The following KLHL30 variants were observed in gnomAD, a reference collection of about 807,000 sequenced individuals.
The protein encoded by KLHL30 is kelch like family member 30, also known as kelch-like protein 30.
Under a neutral mutation model 55.0 loss-of-function variants are expected in KLHL30, and 55 were observed. The ratio of observed to expected loss-of-function variants is 1.00; its 90% CI spans 0.80 to 1.25. The LOEUF (loss-of-function observed/expected upper bound fraction) is 1.25, where lower values mean the gene tolerates loss of function less well. Among genes scored for constraint, KLHL30 ranks in the 50% most tolerant of loss-of-function variants. The probability of loss-of-function intolerance (pLI) is 0.00; values close to 1 mark genes in which losing one functional copy is unlikely to be tolerated. For missense variants in KLHL30, 786 were observed against 811.6 expected (o/e 0.97, Z 0.38); for synonymous variants, 356 against 372.6 (o/e 0.96, Z 0.51).
intron 4 of KLHL30, 32 bp downstream of exon 4, chr2:238,145,020 C>T (rs1365438169): frequency 1.3e-6 from 2 of 1,546,606 alleles, no homozygotes; most frequent in Admixed American, 1.9e-5. Flanking sequence ...CCAGAGATGC[C>T]CTGCCCAGCC....
At chr2:238,148,822 G>C (rs372974699) in intron 6 of KLHL30, among the ~76,000 whole-genome samples, 185 bp from the exon 7 acceptor site, 1 of 152,158 alleles carries the variant, frequency 6.6e-6, no homozygotes, top group East Asian at 1.9e-4. Context: ...GGGAAAGATC[G>C]AGGCTGGGTG....
Position 238,150,849 on chromosome 2 carries a change from G to A in KLHL30, c.1521G>A (p.Ala507=), listed in dbSNP as rs563172825. The A allele has an allele frequency of 2.4e-5, 39 of 1,592,466 alleles. No individual in the cohort carries two copies. The highest frequency in any genetic ancestry group is 1.7e-4 in the Middle Eastern group (1 of 5,890). ...AGCACAGCCTGCATGAGAATGGCGC[G>A]CTGGTGCCACTGGGTGATGCGCTGT... ...QSQHSLHENG[A]LVPLGDALYV... The change falls in exon 8 of 8, where the codon GCG becomes GCA. Residue 507 remains alanine, a synonymous_variant. Transcript: ENST00000409223.
rs778286366 is a variant in KLHL30, at chr2:238,141,371, A to T, written c.617A>T (p.His206Leu). 6.3e-7 allele frequency: 1 copy of T among 1,597,712 alleles called. No individual in the cohort carries two copies. The highest frequency in any genetic ancestry group is 8.5e-7 in the Non-Finnish European group (1 of 1,176,678). ...RLEALMRWVR[H>L]DPQARAAHLP... ...GAGGCCCTGATGCGCTGGGTGCGCC[A>T]TGACCCGCAGGCCCGGGCCGCCCAC... The change falls in exon 2 of 8, where the codon CAT becomes CTT. Residue 206 changes from histidine (H) to leucine (L), a missense_variant. By Grantham distance (99) the His-to-Leu change is moderately conservative (BLOSUM62 -3). Transcript: ENST00000409223.
intron 1 of KLHL30, among the ~76,000 whole-genome samples, chr2:238,139,743 C>T (rs1463931129): frequency 3.3e-5 from 5 of 152,242 alleles, no homozygotes; most frequent in African/African-American, 7.2e-5. Context: ...GGGATGGCCC[C>T]GCGAGGCGCC....
rs934351399 is a variant in KLHL30 at position 238,152,248 on chromosome 2, T to C, written c.*1183T>C. The C allele has an allele frequency of 1.1e-5, 11 of 982,932 alleles. No individual in the cohort carries two copies. The African/African-American group carries it at 1.8e-4, about 16-fold the overall frequency. The allele number at this position is 982,932 out of a possible 1,614,324, so 60.9% of individuals were successfully genotyped here. On this transcript the variant is annotated 3_prime_UTR_variant, in exon 8 of 8. Coordinates refer to ENST00000409223, the MANE Select transcript of KLHL30 (RefSeq NM_198582.4). Reference sequence around the variant, plus strand: ...GTTCCTCCTTAACACCCCCCGCCCCTGGGGACCAGAGGGGCCTCTGACATC... The same window carrying C: ...GTTCCTCCTTAACACCCCCCGCCCCCGGGGACCAGAGGGGCCTCTGACATC...
chr2:238,149,854 G>C (rs1692719632), intron 7 of KLHL30, among the ~76,000 whole-genome samples: 1 of 152,162 alleles, frequency 6.6e-6, no homozygotes, highest in Non-Finnish European at 1.5e-5. Context: ...TGGTGAAGGG[G>C]ACAGTGCCCA....
chr2:238,145,954 C>G, intron 5 of KLHL30, 122 bp downstream of exon 5: 1 of 1,186,412 alleles, frequency 8.4e-7, no homozygotes, highest in Non-Finnish European at 1.2e-6. Context: ...CCACTGCCAC[C>G]CTCAGGGCTC....
intron 3 of KLHL30, among the ~76,000 whole-genome samples, chr2:238,144,432 AAGGCAGGCAGGCAGGCAGGC>A (rs1165549782): frequency 0.041 from 3,347 of 81,822 alleles, 97 homozygotes; most frequent in Middle Eastern, 0.095. Context: ...GGAAGGAAGG[AAGGCAGGCAGGCAGGCAGGC>A]AGGCAGGCAG....
At position 238,141,101 on chromosome 2, in the gene KLHL30, C is replaced by A. The variant is rs766734319; in HGVS notation, c.347C>A (p.Pro116His). 3 of 1,608,802 alleles carry A rather than the reference C, an allele frequency of 1.9e-6. No homozygotes were observed. Among genetic ancestry groups the A allele is most frequent in the African/African-American group, 2.7e-5 (2 of 74,874 alleles). ...LTRTAARLHF[P>H]SVQKVCGRYL... ...CGCACGGCTGCGCGCCTGCACTTCC[C>A]CTCGGTGCAGAAGGTCTGCGGCCGC... Residue 116 changes from proline (P) to histidine (H), a missense_variant, in exon 2 of 8, where the codon CCC becomes CAC. By Grantham distance (77) the Pro-to-His change is moderately conservative. Transcript: ENST00000409223.
At position 238,151,663 on chromosome 2, in the gene KLHL30, G is replaced by A. The variant is rs540236784; in HGVS notation, c.*598G>A. On this transcript the variant is annotated 3_prime_UTR_variant, in exon 8 of 8. Coordinates refer to ENST00000409223, the MANE Select transcript of KLHL30 (RefSeq NM_198582.4). ...TTGGGTCCCCACTCAGGCTTTGCAT[G>A]TTGGTGCTGTGTTTCTGCTTCTGTG... 2 of 156,382 alleles carry A rather than the reference G, an allele frequency of 1.3e-5. No homozygotes were observed. Among genetic ancestry groups the A allele is most frequent in the African/African-American group, 4.8e-5 (2 of 41,646 alleles). The allele number at this position is 156,382 out of a possible 1,614,324, so 9.7% of individuals were successfully genotyped here. A position where few individuals can be genotyped will look rare whatever the true frequency, so the allele number is the denominator to read the frequency against.
At chr2:238,141,922 G>A (rs1397956419) in intron 2 of KLHL30, among the ~76,000 whole-genome samples, 1 of 152,244 alleles carries the variant, frequency 6.6e-6, no homozygotes, top group Non-Finnish European at 1.5e-5. Flanking sequence ...TCTGAGCTGG[G>A]CCTTAGAGGA....
chr2:238,139,288 C>T (rs906715064), intron 1 of KLHL30, among the ~76,000 whole-genome samples: 13 of 152,302 alleles, frequency 8.5e-5, no homozygotes, highest in Non-Finnish European at 1.8e-4. Context: ...CAGGCGGTGG[C>T]CCAGGGACAG....
At chr2:238,149,249 G>C (rs1221641627) in intron 7 of KLHL30, 97 bp downstream of exon 7, 2 of 1,508,770 alleles carry the variant, frequency 1.3e-6, no homozygotes, top group Non-Finnish European at 1.8e-6. Context: ...TGCCACAGAG[G>C]GCCCACTGCG....
rs764332097 is a variant in KLHL30 at position 238,141,201 on chromosome 2, C to T, written c.447C>T (p.Gly149=). The change falls in exon 2 of 8, where the codon GGC becomes GGT. Residue 149 remains glycine, a synonymous_variant. Coordinates refer to ENST00000409223, the MANE Select transcript of KLHL30 (RefSeq NM_198582.4). The part of the protein sequence containing the change: ...CEFGEQQGLL[G]VAAKAWAFLR... ...TCGGGGAGCAGCAAGGGCTGCTGGG[C>T]GTGGCTGCCAAGGCCTGGGCCTTCC... The T allele has an allele frequency of 2.0e-5, 32 of 1,611,120 alleles. No homozygotes were observed. Among genetic ancestry groups the T allele is most frequent in the Non-Finnish European group, 2.4e-5 (28 of 1,179,688 alleles).
At position 238,147,753 on chromosome 2, in the gene KLHL30, C is replaced by A. The variant is rs1692672521; in HGVS notation, c.1151-81C>A. ...CACCCCACCTCCCACCACTTTGCTGCCTTACAAAGCCCCAGCCCCTGAGTT... is the reference window on the plus strand; with the variant it reads ...CACCCCACCTCCCACCACTTTGCTGACTTACAAAGCCCCAGCCCCTGAGTT... On this transcript the variant is annotated intron_variant, in intron 5 of 7. Coordinates refer to ENST00000409223, the MANE Select transcript of KLHL30 (RefSeq NM_198582.4). This position sits in a 1 kb window ranked among gnomAD's most constrained non-coding sequence, Gnocchi z 5.8. 5 of 895,654 alleles carry A rather than the reference C, an allele frequency of 5.6e-6. No individual in the cohort carries two copies. The South Asian group carries it at 1.1e-4, about 21-fold the overall frequency. 55.5% of individuals were successfully genotyped at this position (895,654 alleles called of 1,614,324 possible).
At chr2:238,144,786 A>G in intron 3 of KLHL30, 116 bp from the exon 4 acceptor site, 2 of 773,384 alleles carry the variant, frequency 2.6e-6, no homozygotes, top group Admixed American at 2.0e-5. Context: ...TTTCCCCACC[A>G]GTGAGGGGGG....
chr2:238,143,118 G>T (rs980208816), intron 3 of KLHL30, among the ~76,000 whole-genome samples, 187 bp downstream of exon 3: 2 of 152,230 alleles, frequency 1.3e-5, no homozygotes, highest in Non-Finnish European at 2.9e-5. Context: ...TACCCCGGGA[G>T]GGGGAAGGCT....
intron 7 of KLHL30, 103 bp downstream of exon 7, chr2:238,149,255 C>A: frequency 1.3e-6 from 2 of 1,482,960 alleles, no homozygotes; most frequent in Non-Finnish European, 1.8e-6. Flanking sequence ...AGAGGGCCCA[C>A]TGCGAAGGGG....
In KLHL30 at chr2:238,141,299, G is replaced by C. The variant is rs1320259808; in HGVS notation, c.545G>C (p.Cys182Ser). 2 of 1,598,658 alleles carry C rather than the reference G, an allele frequency of 1.3e-6. No individual in the cohort carries two copies. Among genetic ancestry groups the C allele is most frequent in the Non-Finnish European group, 1.7e-6 (2 of 1,175,920 alleles). Residue 182 changes from cysteine (C) to serine (S), a missense_variant, in exon 2 of 8, where the codon TGT becomes TCT. Cys to Ser is a moderately radical substitution (Grantham distance 112, BLOSUM62 -1). Transcript: ENST00000409223. Reference protein sequence around the residue: ...LQLPRERLVTCLAGDLLQVQP... With the variant: ...LQLPRERLVTSLAGDLLQVQP... ...CTTCCCCGAGAGCGGCTGGTCACTTGTCTGGCCGGCGACCTGCTGCAGGTA... is the reference window on the plus strand; with the variant it reads ...CTTCCCCGAGAGCGGCTGGTCACTTCTCTGGCCGGCGACCTGCTGCAGGTA...
Sources: gnomAD v4.1 joint callset for allele counts (sites outside exome capture counted in the v4.1 genomes callset) on GRCh38, gnomAD v4.1.1 for gene constraint, Gnocchi (gnomAD v3.1) non-coding constraint, MANE v1.5 for transcripts, NCBI Gene and HGNC (gene_info 2026-07-23, HGNC 2026-07-21) for gene names.